PDZD9: variants seen among roughly 807,000 people sequenced by gnomAD.
PDZD9 encodes the protein PDZ domain-containing protein 9.
Under a neutral mutation model 16.3 loss-of-function variants are expected in PDZD9, and 13 were observed. The observed-to-expected ratio is 0.80, with a 90% CI of 0.52 to 1.27. The LOEUF is 1.27. Ranked by LOEUF, PDZD9 falls within the 50% of genes most tolerant of loss-of-function variation. The probability of loss-of-function intolerance (pLI) is 0.00; values close to 1 mark genes in which losing one functional copy is unlikely to be tolerated. For missense variants in PDZD9, 288 were observed against 310.9 expected (o/e 0.93, Z 0.55); for synonymous variants, 120 against 111.0 (o/e 1.08, Z -0.51).
chr16:21,971,811 G>A, the PDZD9 span: 334 of 1,477,078 alleles, frequency 2.3e-4, 2 homozygotes, highest in East Asian at 3.2e-4. Flanking sequence ...GGAAAGCACC[G>A]AGCTGCAGAA....
intron 2 of PDZD9, chr16:21,995,161 T>C (rs1899115937): frequency 4.5e-6 from 2 of 448,654 alleles, no homozygotes; most frequent in South Asian, 1.6e-5. Flanking sequence ...TGAGTTCTTA[T>C]GAGATCTGGT....
intron 3 of PDZD9, 130 bp from the exon 4 acceptor site, chr16:21,984,790 G>T: frequency 4.9e-6 from 3 of 607,314 alleles, no homozygotes; most frequent in Non-Finnish European, 5.0e-6. Context: ...ACCTTTCTGT[G>T]TCATTGAAAT....
At chr16:21,971,853 A>G in the PDZD9 span, 1 of 1,598,630 alleles carries the variant, frequency 6.3e-7, no homozygotes, top group South Asian at 1.1e-5. Context: ...TGTTGTAGGA[A>G]ATACTGGAGA....
At chr16:21,957,914 T>G in the PDZD9 span, among the ~76,000 whole-genome samples, 1 of 152,258 alleles carries the variant, frequency 6.6e-6, no homozygotes, top group Non-Finnish European at 1.5e-5. Flanking sequence ...TCTGCCTTTG[T>G]TGTCACATGG....
At chr16:21,959,260 A>G in the PDZD9 span, 1 of 159,844 alleles carries the variant, frequency 6.3e-6, no homozygotes, top group Non-Finnish European at 1.4e-5. Flanking sequence ...ACTTCTTTCA[A>G]AATTAGTCAG....
Position 21,996,559 on chromosome 16 carries a change from C to A in PDZD9, c.32-58G>T. ...TCACCAAGACAGAAGCATGGCCATA[C>A]CTACTGGGGTTCTGAAGCCAGATCC... On this transcript the variant is annotated intron_variant, in intron 1 of 3. Transcript: ENST00000424898. 5 of 1,430,806 alleles carry A rather than the reference C, an allele frequency of 3.5e-6. No individual in the cohort carries two copies. The South Asian group carries it at 5.4e-5, about 15-fold the overall frequency. The allele number at this position is 1,430,806 out of a possible 1,614,324, so 88.6% of individuals were successfully genotyped here.
chr16:21,958,472 G>A, the PDZD9 span: 11 of 1,413,412 alleles, frequency 7.8e-6, no homozygotes, highest in Admixed American at 1.4e-4. Flanking sequence ...TTTTGATATA[G>A]TGTGATGTTT....
At chr16:21,985,822 C>T (rs1898863877) in intron 3 of PDZD9, among the ~76,000 whole-genome samples, 1 of 152,136 alleles carries the variant, frequency 6.6e-6, no homozygotes, top group Middle Eastern at 3.2e-3. Context: ...TTATCTCTTC[C>T]AGTAATAAAC....
the PDZD9 span, chr16:21,962,931 T>G: frequency 6.4e-7 from 1 of 1,560,606 alleles, no homozygotes; most frequent in South Asian, 1.2e-5. Flanking sequence ...TACTGGGTTT[T>G]TTAGAAGATC....
chr16:21,998,801 A>AAAAG (rs1414163456), intron 1 of PDZD9: 13 of 151,476 alleles, frequency 8.6e-5, no homozygotes, highest in African/African-American at 1.2e-4. Context: ...AAAAAAAAAA[A>AAAAG]AGAGAGAGAA....
Position 21,996,404 on chromosome 16 carries a change from G to C in PDZD9, c.129C>G (p.Ile43Met), listed in dbSNP as rs776063443. The C allele has an allele frequency of 1.3e-6, 2 of 1,536,076 alleles. No individual in the cohort carries two copies. The highest frequency in any genetic ancestry group is 1.2e-5 in the South Asian group (1 of 84,056). ...GGAGGTAGGGTCCATGCTGGATGAT[G>C]ATGAGGCCTAATCCCAGGCTACCCA... Reference protein sequence around the residue: ...LTVGSLGLGLIIIQHGPYLQI... With the variant: ...LTVGSLGLGLMIIQHGPYLQI... Residue 43 changes from isoleucine (I) to methionine (M), a missense_variant, in exon 2 of 4, where the codon ATC becomes ATG. Physicochemically the swap from Ile to Met is conservative, Grantham distance 10 (BLOSUM62 1). Coordinates refer to ENST00000424898, the MANE Select transcript of PDZD9 (RefSeq NM_001363519.1).
chr16:21,991,396 G>A (rs1899018944), intron 2 of PDZD9, among the ~76,000 whole-genome samples: 1 of 152,034 alleles, frequency 6.6e-6, no homozygotes, highest in Non-Finnish European at 1.5e-5. Context: ...TGCCCACCAT[G>A]TTGGGCTAGT....
chr16:22,000,203 C>T (rs1899257751), intron 1 of PDZD9, among the ~76,000 whole-genome samples: 1 of 152,070 alleles, frequency 6.6e-6, no homozygotes, highest in Non-Finnish European at 1.5e-5. Flanking sequence ...GACTCTGTCT[C>T]TAAAAATAAA....
intron 2 of PDZD9, among the ~76,000 whole-genome samples, chr16:21,994,653 G>A (rs1899101441): frequency 6.6e-6 from 1 of 152,156 alleles, no homozygotes; most frequent in Non-Finnish European, 1.5e-5. Context: ...GATTGTGAGA[G>A]TGAAATGAGA....
At chr16:21,993,747 T>C (rs1224477956) in intron 2 of PDZD9, among the ~76,000 whole-genome samples, 1 of 152,122 alleles carries the variant, frequency 6.6e-6, no homozygotes, top group Non-Finnish European at 1.5e-5. Flanking sequence ...GGGACCCCCA[T>C]ACAGCCATCA....
At chr16:21,993,016 T>C (rs1197550433) in intron 2 of PDZD9, among the ~76,000 whole-genome samples, 5 of 152,120 alleles carry the variant, frequency 3.3e-5, no homozygotes, top group African/African-American at 4.8e-5. Flanking sequence ...TCCTGCCGCC[T>C]TGTGAAGAAA....
chr16:21,986,989 G>A (rs1162375356), intron 3 of PDZD9, among the ~76,000 whole-genome samples: 2 of 152,234 alleles, frequency 1.3e-5, no homozygotes, highest in African/African-American at 4.8e-5. Context: ...ATGAGTTGAA[G>A]TTGGAATGGT....
chr16:21,993,023 G>A (rs1899062308), intron 2 of PDZD9, among the ~76,000 whole-genome samples: 1 of 152,148 alleles, frequency 6.6e-6, no homozygotes, highest in African/African-American at 2.4e-5. Flanking sequence ...GCCTTGTGAA[G>A]AAAATGCCTG....
At chr16:21,962,758 T>C in the PDZD9 span, 8 of 1,614,148 alleles carry the variant, frequency 5.0e-6, no homozygotes, top group Non-Finnish European at 6.8e-6. Context: ...ATGTCTTCTG[T>C]AGTGATATTC....
Sources: gnomAD v4.1 joint callset for allele counts (sites outside exome capture counted in the v4.1 genomes callset) on GRCh38, gnomAD v4.1.1 for gene constraint, MANE v1.5 for transcripts, NCBI Gene and HGNC (gene_info 2026-07-23, HGNC 2026-07-21) for gene names.